Variants in MECR observed in about 807,000 individuals in gnomAD.
The protein encoded by MECR is mitochondrial trans-2-enoyl-CoA reductase.
A neutral mutation model predicts 49.1 loss-of-function variants in MECR; 37 were observed. The observed-to-expected ratio is 0.75, with a 90% CI of 0.58 to 0.99. The LOEUF (loss-of-function observed/expected upper bound fraction) is 0.99. Ranked by LOEUF, MECR falls within the 50% of genes least tolerant of loss-of-function variation. The pLI is 0.00. For synonymous variants in MECR, 198 were observed against 191.1 expected, an observed-to-expected ratio of 1.04 and a Z score of -0.30; for missense variants, 470 against 479.6, an observed-to-expected ratio of 0.98 and a Z score of 0.19.
At chr1:29,217,942 G>T (rs978696757) in intron 1 of MECR, among the ~76,000 whole-genome samples, 3 of 152,202 alleles carry the variant, frequency 2.0e-5, no homozygotes, top group African/African-American at 7.2e-5. Context: ...AGGGCTGAAG[G>T]TCCTGGGTAT....
downstream of MECR, among the ~76,000 whole-genome samples, chr1:29,188,328 T>C (rs528640378): frequency 6.6e-5 from 10 of 151,730 alleles, no homozygotes; most frequent in Admixed American, 3.9e-4. Flanking sequence ...GAGCTGGGAT[T>C]ACAGGTGCCT....
At chr1:29,192,272 CTTGACTGCAGTTCCCTGAG>C (rs1360033360), downstream of MECR, among the ~76,000 whole-genome samples, 4 of 152,314 alleles carry the variant, frequency 2.6e-5, no homozygotes, top group African/African-American at 9.6e-5. Context: ...AGCAGCTACA[CTTGACTGCAGTTCCCTGAG>C]TGCCAGGCTC....
intron 1 of MECR, among the ~76,000 whole-genome samples, chr1:29,218,724 A>G (rs1000480497): frequency 1.5e-4 from 23 of 152,322 alleles, no homozygotes; most frequent in Middle Eastern, 3.4e-3. Context: ...TACAAAAATT[A>G]GCCAGGTGTG....
chr1:29,216,969 T>C (rs1477360154), intron 1 of MECR, among the ~76,000 whole-genome samples: 1 of 151,728 alleles, frequency 6.6e-6, no homozygotes, highest in Non-Finnish European at 1.5e-5. Context: ...AACCTGTCTC[T>C]ACTAAAATAC....
At chr1:29,229,778 T>C (rs938116776) in intron 1 of MECR, among the ~76,000 whole-genome samples, 1 of 152,176 alleles carries the variant, frequency 6.6e-6, no homozygotes, top group African/African-American at 2.4e-5. Flanking sequence ...CCCCAAGTAT[T>C]TTGATTCCCA....
the MECR span, chr1:29,169,063 C>T: frequency 2.6e-5 from 4 of 152,242 alleles, no homozygotes; most frequent in Non-Finnish European, 5.9e-5. Flanking sequence ...CTCTTCTTCA[C>T]ATTTCTTTGT....
intron 3 of MECR, 137 bp from the exon 4 acceptor site, chr1:29,207,042 G>A: frequency 1.1e-6 from 1 of 898,890 alleles, no homozygotes; most frequent in Non-Finnish European, 1.7e-6. Flanking sequence ...CATCCAGGAT[G>A]TTTAGAAAAA....
At chr1:29,187,404 CTG>C in the MECR span, among the ~76,000 whole-genome samples, 1 of 150,824 alleles carries the variant, frequency 6.6e-6, no homozygotes, top group South Asian at 2.1e-4. Flanking sequence ...TTAGTAGAGA[CTG>C]TGTTTCACTA....
At chr1:29,203,066 C>T (rs769304948) in intron 5 of MECR, 65 bp downstream of exon 5, 12 of 1,365,588 alleles carry the variant, frequency 8.8e-6, no homozygotes, top group South Asian at 2.7e-5. Flanking sequence ...AACTGGGCAC[C>T]GCAGGGATGG....
rs778750434 is a variant in MECR, at chr1:29,194,132, C to G, written c.1012G>C (p.Gly338Arg). 1 of 1,614,002 alleles carries G rather than the reference C, an allele frequency of 6.2e-7. No individual in the cohort carries two copies. Among genetic ancestry groups the G allele is most frequent in the South Asian group, 1.1e-5 (1 of 91,070 alleles). ...GAGCAGGCAGGGGCTGTGAGCTGGC[C>G]TCGGCGGATGAGATCGCACAGTGTG... ...ILTLCDLIRR[G>R]QLTAPACSQV... Residue 338 changes from glycine (G) to arginine (R), a missense_variant, in exon 10 of 10, where the codon GGC becomes CGC. Gly to Arg is a moderately radical substitution (Grantham distance 125). Transcript: ENST00000263702.
chr1:29,180,788 A>G, the MECR span, among the ~76,000 whole-genome samples: 4 of 152,210 alleles, frequency 2.6e-5, no homozygotes, highest in African/African-American at 9.6e-5. Flanking sequence ...CCTGTAGCTC[A>G]TGCTGGCACT....
intron 1 of MECR, chr1:29,221,191 A>G (rs1050411613): frequency 1.3e-5 from 2 of 152,134 alleles, no homozygotes; most frequent in African/African-American, 2.4e-5. Flanking sequence ...AGCCTGGGCA[A>G]CAGGAGACCC....
chr1:29,178,267 T>C, the MECR span, among the ~76,000 whole-genome samples: 2 of 152,064 alleles, frequency 1.3e-5, no homozygotes, highest in African/African-American at 4.8e-5. Flanking sequence ...TATCTACTGA[T>C]ACATCTCACT....
chr1:29,177,164 C>G, the MECR span, among the ~76,000 whole-genome samples: 3,772 of 151,986 alleles, frequency 0.025, 70 homozygotes, highest in Middle Eastern at 0.088. Context: ...TATATACAAT[C>G]AAAGCCAACA....
chr1:29,176,771 A>G, the MECR span, among the ~76,000 whole-genome samples: 1 of 152,174 alleles, frequency 6.6e-6, no homozygotes, highest in Non-Finnish European at 1.5e-5. Flanking sequence ...AAGGGCGAAA[A>G]CAAAAATTTT....
intron 1 of MECR, among the ~76,000 whole-genome samples, chr1:29,219,224 C>A (rs1680189742): frequency 1.3e-5 from 2 of 152,200 alleles, no homozygotes; most frequent in Non-Finnish European, 2.9e-5. Flanking sequence ...AAAATCCTGC[C>A]CAGAGCAAAT....
the MECR span, among the ~76,000 whole-genome samples, chr1:29,179,301 C>T: frequency 1.3e-5 from 2 of 152,124 alleles, no homozygotes; most frequent in African/African-American, 4.8e-5. Context: ...GTCTTCAACA[C>T]CAATTATGAC....
At chr1:29,191,700 A>C (rs1310294099), downstream of MECR, among the ~76,000 whole-genome samples, 1 of 152,068 alleles carries the variant, frequency 6.6e-6, no homozygotes, top group Non-Finnish European at 1.5e-5. Flanking sequence ...GACCTTTCCC[A>C]GCCCCAGGCT....
At chr1:29,177,548 C>G in the MECR span, among the ~76,000 whole-genome samples, 3 of 152,070 alleles carry the variant, frequency 2.0e-5, no homozygotes, top group Admixed American at 6.6e-5. Context: ...TCTCAAAGTG[C>G]CGGGGTTACA....
Sources: allele counts gnomAD v4.1 joint callset (sites outside exome capture counted in the v4.1 genomes callset), GRCh38; gene constraint gnomAD v4.1.1; transcripts MANE v1.5; gene names NCBI Gene and HGNC (gene_info 2026-07-23, HGNC 2026-07-21).